The following ZNF365 variants were observed in gnomAD, a reference collection of about 807,000 sequenced individuals.
ZNF365 encodes the protein zinc finger protein 365.
In ZNF365, 22 loss-of-function variants were observed where a neutral mutation model predicts 35.0. That is an observed-to-expected ratio of 0.63 (90% CI 0.45 to 0.90). The LOEUF (loss-of-function observed/expected upper bound fraction) is 0.90, where lower values mean the gene tolerates loss of function less well. ZNF365 is among the 40% of genes least tolerant of loss of function. The pLI is 0.00. For missense variants in ZNF365, 448 were observed against 500.3 expected, an observed-to-expected ratio of 0.90 and a Z score of 1.00; for synonymous variants, 188 against 196.2, an observed-to-expected ratio of 0.96 and a Z score of 0.35.
chr10:62,452,069 CGAA>C (rs1425286186), intron 3 of ZNF365, among the ~76,000 whole-genome samples: 2 of 152,154 alleles, frequency 1.3e-5, no homozygotes, highest in Non-Finnish European at 1.5e-5. Flanking sequence ...TTGTGATTCC[CGAA>C]GGTCTATCTA....
intron 4 of ZNF365, among the ~76,000 whole-genome samples, chr10:62,468,905 C>A (rs1175075871): frequency 6.6e-6 from 1 of 152,178 alleles, no homozygotes; most frequent in East Asian, 1.9e-4. Flanking sequence ...AAGGGCACAC[C>A]TTTCAATGGG....
At position 62,449,814 on chromosome 10, in the gene ZNF365, A is replaced by ATT. The variant is rs200049664; in HGVS notation, c.925-9913_925-9912dup. Among the ~76,000 whole-genome samples, 1,199 of 141,706 alleles carry ATT rather than the reference A, an allele frequency of 8.5e-3. 13 individuals carry two copies. The highest frequency in any genetic ancestry group is 0.022 in the African/African-American group (845 of 38,948). The allele number at this position is 141,706 out of a possible 152,430, so 93.0% of individuals were successfully genotyped here. A position where few individuals can be genotyped will look rare whatever the true frequency, so the allele number is the denominator to read the frequency against. On this transcript the variant is annotated intron_variant, in intron 3 of 4. Transcript: ENST00000395255. ...TTTTGCACTAGTCTTAGCCTGGTTC[A>ATT]TTTTTTTTTTTTTTTGTAGAACATT... is the stretch of plus-strand genomic sequence containing the variant.
chr10:62,452,560 C>G (rs573823403), intron 3 of ZNF365, among the ~76,000 whole-genome samples: 2 of 152,174 alleles, frequency 1.3e-5, no homozygotes. Flanking sequence ...GCACATCTAT[C>G]TCCCTGGAGC....
chr10:62,376,080 C>T, intron 1 of ZNF365, 101 bp from the exon 2 acceptor site: 1 of 1,335,824 alleles, frequency 7.5e-7, no homozygotes, highest in African/African-American at 1.5e-5. Flanking sequence ...GCAAAAGTCA[C>T]TTGAAACCAA....
At chr10:62,405,717 G>C (rs1245470863), downstream of ZNF365, among the ~76,000 whole-genome samples, 1 of 152,198 alleles carries the variant, frequency 6.6e-6, no homozygotes, top group Non-Finnish European at 1.5e-5. Context: ...TCAGATTGAA[G>C]TCTGTTAGAT....
In ZNF365 at chr10:62,401,660, A is replaced by G. The variant is rs1839831552; in HGVS notation, c.*1871A>G. ...ATTTATTATTGATGCTTATACCATG[A>G]TTGCACCTTAGCCTTTTACATACTA... On this transcript the variant is annotated 3_prime_UTR_variant, in exon 5 of 5. Coordinates refer to ENST00000395254, the MANE Select transcript of ZNF365 (RefSeq NM_014951.3). 1.0e-6 allele frequency: 1 copy of G among 985,526 alleles called. No homozygotes were observed. Among genetic ancestry groups the G allele is most frequent in the South Asian group, 4.7e-5 (1 of 21,286 alleles). 61.0% of individuals were successfully genotyped at this position (985,526 alleles called of 1,614,324 possible).
At chr10:62,455,478 A>T (rs1564596404) in intron 3 of ZNF365, among the ~76,000 whole-genome samples, 2 of 152,146 alleles carry the variant, frequency 1.3e-5, no homozygotes, top group African/African-American at 2.4e-5. Flanking sequence ...AACTATAGAA[A>T]TGTACAAAGA....
chr10:62,458,609 T>C (rs1473223167), intron 3 of ZNF365, among the ~76,000 whole-genome samples: 1 of 152,170 alleles, frequency 6.6e-6, no homozygotes, highest in Non-Finnish European at 1.5e-5. Flanking sequence ...TGCTACTGGC[T>C]TAATTGAATA....
intron 3 of ZNF365, among the ~76,000 whole-genome samples, chr10:62,416,262 A>G (rs938813046): frequency 1.1e-4 from 16 of 152,048 alleles, no homozygotes; most frequent in Non-Finnish European, 2.1e-4. Context: ...AAAAACGATG[A>G]AACTAAAACT....
At chr10:62,412,572 T>C (rs954176872) in intron 3 of ZNF365, among the ~76,000 whole-genome samples, 1 of 152,074 alleles carries the variant, frequency 6.6e-6, no homozygotes, top group Non-Finnish European at 1.5e-5. Flanking sequence ...AAAAAGCAAC[T>C]TCAGCAAAGT....
intron 3 of ZNF365, among the ~76,000 whole-genome samples, chr10:62,397,091 C>T (rs565456206): frequency 1.6e-4 from 24 of 152,332 alleles, no homozygotes; most frequent in African/African-American, 5.5e-4. Flanking sequence ...TCTGTCCCAC[C>T]TTCTTTGTAT....
chr10:62,407,047 C>T (rs1293477550), downstream of ZNF365, among the ~76,000 whole-genome samples: 1 of 152,244 alleles, frequency 6.6e-6, no homozygotes, highest in Admixed American at 6.5e-5. Context: ...AGGCAGAGCA[C>T]TGGAGCACTC....
At chr10:62,455,741 T>C (rs1840752260) in intron 3 of ZNF365, among the ~76,000 whole-genome samples, 1 of 152,064 alleles carries the variant, frequency 6.6e-6, no homozygotes, top group South Asian at 2.1e-4. Context: ...AACTTACATA[T>C]ATTTGGTTAT....
intron 3 of ZNF365, among the ~76,000 whole-genome samples, chr10:62,443,358 CCTT>C (rs1393308245): frequency 1.3e-5 from 2 of 152,212 alleles, no homozygotes; most frequent in Non-Finnish European, 1.5e-5. Flanking sequence ...TCTGATCACT[CCTT>C]CTTTTGTGTA....
chr10:62,410,436 T>A (rs77681207), intron 3 of ZNF365, among the ~76,000 whole-genome samples: 2,401 of 152,248 alleles, frequency 0.016, 57 homozygotes, highest in East Asian at 0.077. Flanking sequence ...CAGGTAAACA[T>A]GTGCCATGGT....
intron 3 of ZNF365, among the ~76,000 whole-genome samples, chr10:62,425,154 C>T (rs1418134859): frequency 4.6e-5 from 7 of 151,856 alleles, no homozygotes; most frequent in Non-Finnish European, 8.8e-5. Context: ...TTAAATGTTA[C>T]GTTTAAGTTC....
intron 4 of ZNF365, among the ~76,000 whole-genome samples, chr10:62,461,342 G>A (rs1051341861): frequency 3.9e-5 from 6 of 152,206 alleles, no homozygotes; most frequent in Non-Finnish European, 5.9e-5. Context: ...GCCCCCAGTC[G>A]GAGGGGGAGG....
At chr10:62,417,138 A>T (rs969092067) in intron 3 of ZNF365, among the ~76,000 whole-genome samples, 1 of 152,086 alleles carries the variant, frequency 6.6e-6, no homozygotes, top group Non-Finnish European at 1.5e-5. Context: ...GTTCCTAAAA[A>T]TTTCCAACAT....
intron 3 of ZNF365, among the ~76,000 whole-genome samples, chr10:62,456,817 T>A (rs1223232997): frequency 6.6e-6 from 1 of 150,398 alleles, no homozygotes. Flanking sequence ...TGATGCTCAG[T>A]TAAAACACAC....
Sources: allele counts gnomAD v4.1 joint callset (sites outside exome capture counted in the v4.1 genomes callset), GRCh38; gene constraint gnomAD v4.1.1; transcripts MANE v1.5; gene names NCBI Gene and HGNC (gene_info 2026-07-23, HGNC 2026-07-21).